Variants in KHSRP observed in about 807,000 individuals in gnomAD.
KHSRP encodes the protein far upstream element-binding protein 2.
KHSRP carries 13 observed loss-of-function variants against 94.9 expected under a neutral mutation model. That is an observed-to-expected ratio of 0.14 (90% CI 0.09 to 0.22). The LOEUF (loss-of-function observed/expected upper bound fraction) is 0.22. Ranked by LOEUF, KHSRP falls within the 10% of genes least tolerant of loss-of-function variation. The probability of loss-of-function intolerance (pLI) is 1.00; values close to 1 mark genes in which losing one functional copy is unlikely to be tolerated. For synonymous variants in KHSRP, 495 were observed against 401.4 expected, an observed-to-expected ratio of 1.23 and a Z score of -2.79; for missense variants, 710 against 1,010.0, an observed-to-expected ratio of 0.70 and a Z score of 4.03.
intron 5 of KHSRP, 39 bp from the exon 6 acceptor site, chr19:6,420,183 G>A (rs2092186670): frequency 1.9e-6 from 3 of 1,567,812 alleles, no homozygotes; most frequent in African/African-American, 1.4e-5. Context: ...AGCGTGATGA[G>A]GGAAGGGAGC....
Position 6,424,356 on chromosome 19 carries a change from C to T in KHSRP, c.249+97G>A. ...TGACCCCGCGACGGCCCCGGCCCCC[C>T]TCCGCGACCCTGCGCGCGCGCGCGC... is the stretch of plus-strand genomic sequence containing the variant. On this transcript the variant is annotated intron_variant, in intron 1 of 18. Transcript: ENST00000600480. 6 of 528,266 alleles carry T rather than the reference C, an allele frequency of 1.1e-5. 1 individual carries two copies. Among genetic ancestry groups the T allele is most frequent in the Non-Finnish European group, 1.5e-5 (6 of 413,502 alleles). 32.7% of individuals were successfully genotyped at this position (528,266 alleles called of 1,614,324 possible). A position where few individuals can be genotyped will look rare whatever the true frequency, so the allele number is the denominator to read the frequency against.
chr19:6,415,472 A>G lies in KHSRP; in HGVS notation c.1889-15T>C, dbSNP rs887666117. On this transcript the variant is annotated splice_polypyrimidine_tract_variant and intron_variant, in intron 17 of 18. Transcript: ENST00000600480. The stretch of plus-strand genomic sequence containing the variant: ...GGGCTGCTGGCCTGTGCGGGCGCCG[A>G]GACAGGTCAGAAACCACTCCCCCGG... The G allele has an allele frequency of 1.1e-5, 17 of 1,553,008 alleles. No homozygotes were observed. Among genetic ancestry groups the G allele is most frequent in the Non-Finnish European group, 1.2e-5 (14 of 1,148,230 alleles).
intron 10 of KHSRP, 38 bp downstream of exon 10, chr19:6,417,943 G>C (rs367664886): frequency 1.2e-6 from 2 of 1,601,776 alleles, no homozygotes; most frequent in African/African-American, 2.7e-5. Context: ...CCCTCCACTG[G>C]CGGGGGAGAG....
Position 6,415,467 on chromosome 19 carries a change from C to T in KHSRP, c.1889-10G>A, listed in dbSNP as rs377198614. 142 of 1,555,060 alleles carry T rather than the reference C, an allele frequency of 9.1e-5. No homozygotes were observed. The highest frequency in any genetic ancestry group is 1.1e-4 in the Non-Finnish European group (128 of 1,149,238). On this transcript the variant is annotated splice_polypyrimidine_tract_variant and intron_variant, in intron 17 of 18. Coordinates refer to ENST00000600480, the MANE Select transcript of KHSRP (RefSeq NM_001366299.1). ...TGCTGGGGCTGCTGGCCTGTGCGGG[C>T]GCCGAGACAGGTCAGAAACCACTCC...
At position 6,418,705 on chromosome 19, in the gene KHSRP, C is replaced by G; in HGVS notation, c.777G>C (p.Leu259=). The G allele has an allele frequency of 1.2e-6, 2 of 1,613,874 alleles. No individual in the cohort carries two copies. Among genetic ancestry groups the G allele is most frequent in the African/African-American group, 2.7e-5 (2 of 75,052 alleles). The change falls in exon 8 of 19, where the codon CTG becomes CTC. Residue 259 remains leucine (L), a synonymous_variant. Coordinates refer to ENST00000600480, the MANE Select transcript of KHSRP (RefSeq NM_001366299.1). This position sits in a 1 kb window ranked among gnomAD's most constrained non-coding sequence, Gnocchi z 4.3. ...IGKGGETIKQ[L]QERAGVKMIL... is the part of the protein sequence containing the mutation. ...GCTGCCCAGGTGCTGCCCTCACCTG[C>G]AGCTGCTTAATGGTCTCCCCGCCCT...
chr19:6,415,371 G>A lies in KHSRP; in HGVS notation c.1966+9C>T, dbSNP rs1370948880. 1 of 1,607,662 alleles carries A rather than the reference G, an allele frequency of 6.2e-7. No homozygotes were observed. The highest frequency in any genetic ancestry group is 1.7e-5 in the Admixed American group (1 of 58,804). On this transcript the variant is annotated intron_variant, in intron 18 of 18. Coordinates refer to ENST00000600480, the MANE Select transcript of KHSRP (RefSeq NM_001366299.1). ...CCCCTGCCCCTGTCCCCGCATGGTGGCCACTCACCTTGCTTCTTGTAGTAC... is the reference window on the plus strand; with the variant it reads ...CCCCTGCCCCTGTCCCCGCATGGTGACCACTCACCTTGCTTCTTGTAGTAC...
At chr19:6,416,222 G>A in intron 15 of KHSRP, 76 bp downstream of exon 15, 5 of 1,240,454 alleles carry the variant, frequency 4.0e-6, no homozygotes, top group East Asian at 2.5e-5. Flanking sequence ...TAGGGAAAGG[G>A]AAATGGGGTC....
rs551871526 is a variant in KHSRP at position 6,413,144 on chromosome 19, A to AGGG, written c.*1877_*1879dup. On this transcript the variant is annotated 3_prime_UTR_variant, in exon 19 of 19. Transcript: ENST00000600480. ...GCACTTTATTTAACAAAAAAAAAAA[A>AGGG]GGGGGGGGGGCACGGTTAGGAAAGC... 2.8e-3 allele frequency among the ~76,000 whole-genome samples: 333 copies of AGGG among 117,180 alleles called. 4 individuals are homozygous for AGGG. Among genetic ancestry groups the AGGG allele is most frequent in the African/African-American group, 7.8e-3 (233 of 29,838 alleles). 76.9% of individuals were successfully genotyped at this position (117,180 alleles called of 152,430 possible). A position where few individuals can be genotyped will look rare whatever the true frequency, so the allele number is the denominator to read the frequency against.
chr19:6,417,183 C>T, intron 11 of KHSRP, 96 bp from the exon 12 acceptor site: 1 of 925,192 alleles, frequency 1.1e-6, no homozygotes, highest in Non-Finnish European at 1.6e-6. Context: ...ACCACGCCGG[C>T]CTGAGATCTC....
Position 6,414,767 on chromosome 19 carries a change from G to T in KHSRP, c.*257C>A. 1 of 1,114,682 alleles carries T rather than the reference G, an allele frequency of 9.0e-7. No individual in the cohort carries two copies. Among genetic ancestry groups the T allele is most frequent in the Non-Finnish European group, 1.1e-6 (1 of 913,094 alleles). The allele number at this position is 1,114,682 out of a possible 1,614,324, so 69.0% of individuals were successfully genotyped here. A position where few individuals can be genotyped will look rare whatever the true frequency, so the allele number is the denominator to read the frequency against. On this transcript the variant is annotated 3_prime_UTR_variant, in exon 19 of 19. Transcript: ENST00000600480. ...AAAATAGACGTTTTCTTCCCAAGTG[G>T]CCAGATTGTGAGCGAGGTGGTGGCG... is the stretch of plus-strand genomic sequence containing the variant.
rs965458340 is a variant in KHSRP at position 6,418,418 on chromosome 19, CG to C, written c.879+64del. 84 of 1,181,886 alleles carry C rather than the reference CG, an allele frequency of 7.1e-5. No individual in the cohort carries two copies. In the African/African-American group the frequency reaches 1.2e-3, roughly 17 times the overall value. 73.2% of individuals were successfully genotyped at this position (1,181,886 alleles called of 1,614,324 possible). Reference sequence around the variant, plus strand: ...TCTGGCGGAATGCAGACCCCGAGACCGCTGGCCCTGCCCACCTGCCCGTGCC... The same window carrying C: ...TCTGGCGGAATGCAGACCCCGAGACCCTGGCCCTGCCCACCTGCCCGTGCC... On this transcript the variant is annotated intron_variant, in intron 9 of 18. Coordinates refer to ENST00000600480, the MANE Select transcript of KHSRP (RefSeq NM_001366299.1). The surrounding 1 kb of genome is among the most constrained non-coding windows in gnomAD (Gnocchi z 4.3).
Position 6,419,187 on chromosome 19 carries a change from C to A in KHSRP, c.605+16G>T, listed in dbSNP as rs752592534. 2 of 1,573,742 alleles carry A rather than the reference C, an allele frequency of 1.3e-6. No individual in the cohort carries two copies. The highest frequency in any genetic ancestry group is 1.7e-6 in the Non-Finnish European group (2 of 1,159,454). ...CTGCCCCCCACATCACAATGAGAGG[C>A]CCTGTGGGGACTTACTGGACAGATT... On this transcript the variant is annotated intron_variant, in intron 7 of 18. Coordinates refer to ENST00000600480, the MANE Select transcript of KHSRP (RefSeq NM_001366299.1).
chr19:6,417,554 T>A (rs1302274982), intron 11 of KHSRP, among the ~76,000 whole-genome samples, 185 bp downstream of exon 11: 4 of 152,120 alleles, frequency 2.6e-5, no homozygotes, highest in Non-Finnish European at 5.9e-5. Flanking sequence ...CCCCTGGATG[T>A]GGAAAGCCCT....
intron 1 of KHSRP, chr19:6,424,038 G>A (rs543230949): frequency 3.3e-5 from 5 of 152,522 alleles, no homozygotes; most frequent in African/African-American, 9.6e-5. Flanking sequence ...TTCTCCTAGA[G>A]AGGGGACAGA....
chr19:6,424,566 C>T lies in KHSRP; in HGVS notation c.136G>A (p.Gly46Ser). ...GAGDRGGGGP[G>S]GGGPGGGSAG... is the part of the protein sequence containing the mutation. ...GACCCCCCGCCCGGGCCGCCGCCGC[C>T]GGGACCGCCGCCGCCCCGGTCCCCC... is the stretch of plus-strand genomic sequence containing the variant. Residue 46 changes from glycine (G) to serine (S), a missense_variant, in exon 1 of 19, where the codon GGC (glycine) becomes AGC (serine). Around this residue, in one of 5 missense-constraint regions of KHSRP, gnomAD observed 92 missense variants for 80.8 expected, o/e 1.14. Transcript: ENST00000600480. 1.0e-6 allele frequency: 1 copy of T among 964,424 alleles called. No homozygotes were observed. The highest frequency in any genetic ancestry group is 1.2e-6 in the Non-Finnish European group (1 of 814,610). 59.7% of individuals were successfully genotyped at this position (964,424 alleles called of 1,614,324 possible). A position where few individuals can be genotyped will look rare whatever the true frequency, so the allele number is the denominator to read the frequency against.
intron 7 of KHSRP, 38 bp downstream of exon 7, chr19:6,419,164 GC>G: frequency 6.5e-7 from 1 of 1,543,084 alleles, no homozygotes; most frequent in Non-Finnish European, 8.8e-7. Flanking sequence ...GCTTCTGCCT[GC>G]CCCCCACATC....
chr19:6,422,173 C>T (rs2092198994), intron 2 of KHSRP, among the ~76,000 whole-genome samples, 167 bp downstream of exon 2: 1 of 152,170 alleles, frequency 6.6e-6, no homozygotes, highest in Admixed American at 6.5e-5. Context: ...CACCTGATAC[C>T]TCAGGATGGC....
At position 6,414,554 on chromosome 19, in the gene KHSRP, G is replaced by A; in HGVS notation, c.*470C>T. The A allele has an allele frequency of 3.9e-6, 4 of 1,025,022 alleles. No individual in the cohort carries two copies. The highest frequency in any genetic ancestry group is 4.7e-6 in the Non-Finnish European group (4 of 856,100). The allele number at this position is 1,025,022 out of a possible 1,614,324, so 63.5% of individuals were successfully genotyped here. A position where few individuals can be genotyped will look rare whatever the true frequency, so the allele number is the denominator to read the frequency against. On this transcript the variant is annotated 3_prime_UTR_variant, in exon 19 of 19. Transcript: ENST00000600480. ...ACAGACAAGCCCGGGACACAGGCAA[G>A]CGCGAGCGCATGGGAGGCTGAGCCC...
intron 7 of KHSRP, 39 bp downstream of exon 7, chr19:6,419,164 G>GC (rs979760361): frequency 1.1e-5 from 17 of 1,542,970 alleles, no homozygotes; most frequent in African/African-American, 4.1e-5. Flanking sequence ...GCTTCTGCCT[G>GC]CCCCCCACAT....
Sources: allele counts gnomAD v4.1 joint callset (sites outside exome capture counted in the v4.1 genomes callset), GRCh38; gene constraint gnomAD v4.1.1; regional missense constraint gnomAD v4.1.1; non-coding constraint Gnocchi (gnomAD v3.1); transcripts MANE v1.5; gene names NCBI Gene and HGNC (gene_info 2026-07-23, HGNC 2026-07-21).